The following SRFBP1 variants were observed in gnomAD, a reference collection of about 807,000 sequenced individuals.
SRFBP1 encodes serum response factor binding protein 1, also known as serum response factor-binding protein 1.
In SRFBP1, 47 loss-of-function variants were observed where a neutral mutation model predicts 45.5. That is an observed-to-expected ratio of 1.03 (90% CI 0.82 to 1.32). SRFBP1 has a LOEUF of 1.32. Ranked by LOEUF, SRFBP1 falls within the 40% of genes most tolerant of loss-of-function variation. The pLI is 0.00. For synonymous variants in SRFBP1, 203 were observed against 166.3 expected (o/e 1.22, Z -1.70); for missense variants, 621 against 484.6 (o/e 1.28, Z -2.64).
chr5:121,995,258 T>A (rs1187756607), intron 4 of SRFBP1, among the ~76,000 whole-genome samples: 1 of 151,840 alleles, frequency 6.6e-6, no homozygotes, highest in African/African-American at 2.4e-5. Context: ...GACCACATAC[T>A]TGGAAGTAAA....
chr5:121,967,625 G>A (rs759248505), intron 1 of SRFBP1, among the ~76,000 whole-genome samples: 5 of 152,160 alleles, frequency 3.3e-5, no homozygotes, highest in Non-Finnish European at 2.9e-5. Context: ...TTGAGCTCAC[G>A]AGTTTGAGAC....
chr5:122,000,337 A>G (rs1752834245), intron 4 of SRFBP1, among the ~76,000 whole-genome samples: 1 of 152,010 alleles, frequency 6.6e-6, no homozygotes. Flanking sequence ...TTTTGACATA[A>G]TTAAACATAA....
chr5:122,038,473 G>A (rs1242232806), intron 2 of SRFBP1, among the ~76,000 whole-genome samples: 1 of 152,202 alleles, frequency 6.6e-6, no homozygotes, highest in African/African-American at 2.4e-5. Context: ...TGTTATTAGT[G>A]AGTGTTGGGC....
rs761189601 is a variant in SRFBP1 at position 122,020,260 on chromosome 5, A to G, written c.525A>G (p.Ile175Met). 7 of 1,612,844 alleles carry G rather than the reference A, an allele frequency of 4.3e-6. No homozygotes were observed. The highest frequency in any genetic ancestry group is 2.2e-5 in the South Asian group (2 of 90,640). The stretch of plus-strand genomic sequence containing the variant: ...AGCAAAAAGTCAAAGAAACCAAAAT[A>G]TTGGCGAAGAAACCAATACATAATT... ...ISEQKVKETK[I>M]LAKKPIHNSK... is the part of the protein sequence containing the mutation. Residue 175 changes from isoleucine (I) to methionine (M), a missense_variant, in exon 6 of 8, where the codon ATA becomes ATG. Ile to Met is a conservative substitution (Grantham distance 10, BLOSUM62 1). Transcript: ENST00000339397.
At chr5:122,056,701 C>T (rs934581413) in intron 2 of SRFBP1, among the ~76,000 whole-genome samples, 1 of 152,148 alleles carries the variant, frequency 6.6e-6, no homozygotes, top group Non-Finnish European at 1.5e-5. Context: ...CCAAGTAACA[C>T]TTTGTCTTGT....
Position 122,020,423 on chromosome 5 carries a change from C to CT in SRFBP1, c.689dup (p.Ser231LysfsTer10), listed in dbSNP as rs764086932. On this transcript the variant is annotated frameshift_variant, in exon 6 of 8. Coordinates refer to ENST00000339397, the MANE Select transcript of SRFBP1 (RefSeq NM_152546.3). LOFTEE classifies it high-confidence loss of function. ...ACCTGCTGACCCAAAACTGAAAACT[C>CT]TAAGTCAAACCAAAAAAAACAAAGG... is the stretch of plus-strand genomic sequence containing the variant. The CT allele has an allele frequency of 3.1e-6, 5 of 1,614,006 alleles. No homozygotes were observed. Among genetic ancestry groups the CT allele is most frequent in the East Asian group, 2.2e-5 (1 of 44,866 alleles).
rs577911987 is a variant in SRFBP1, at chr5:122,073,772, A to G, written n.312-1543A>G. Among the ~76,000 whole-genome samples, 7 of 152,274 alleles carry G rather than the reference A, an allele frequency of 4.6e-5. No homozygotes were observed. In the East Asian group the frequency reaches 1.4e-3, roughly 29 times the overall value. ...ATCAAGCCATCATTTGCCTTTTCCC[A>G]ATTATTTTACATCTTAACAACATGG... On this transcript the variant is annotated intron_variant and non_coding_transcript_variant, in intron 2 of 2. Transcript: ENST00000504881.
intron 3 of SRFBP1, among the ~76,000 whole-genome samples, chr5:121,986,100 G>C (rs1175989533): frequency 6.6e-6 from 1 of 151,834 alleles, no homozygotes; most frequent in Non-Finnish European, 1.5e-5. Flanking sequence ...ACAGAGTCCT[G>C]GTCCATTCTT....
At chr5:122,043,576 T>G (rs1296027514) in intron 2 of SRFBP1, among the ~76,000 whole-genome samples, 1 of 152,214 alleles carries the variant, frequency 6.6e-6, no homozygotes, top group African/African-American at 2.4e-5. Flanking sequence ...ACATTGTCAT[T>G]TTATAGGCAA....
At position 121,991,286 on chromosome 5, in the gene SRFBP1, GTAT is replaced by G. The variant is rs202161526; in HGVS notation, c.199-3308_199-3306del. Among the ~76,000 whole-genome samples the G allele has an allele frequency of 4.0e-3, 605 of 152,086 alleles. 5 individuals carry two copies. The highest frequency in any genetic ancestry group is 0.014 in the African/African-American group (582 of 41,466). ...GTAAATTTTGTGGCCAAATTATAAT[GTAT>G]TATTGACACTATTAAATTCAGTCCT... On this transcript the variant is annotated intron_variant, in intron 3 of 7. Transcript: ENST00000339397.
chr5:122,007,972 A>G (rs1753012831), intron 4 of SRFBP1, among the ~76,000 whole-genome samples: 1 of 151,694 alleles, frequency 6.6e-6, no homozygotes, highest in South Asian at 2.1e-4. Flanking sequence ...CCACTTCGGT[A>G]CTGGGGTCGG....
At chr5:121,962,790 A>C (rs1025334499) in intron 1 of SRFBP1, among the ~76,000 whole-genome samples, 1 of 152,212 alleles carries the variant, frequency 6.6e-6, no homozygotes, top group African/African-American at 2.4e-5. Context: ...GTCTTAAAGT[A>C]AGCTGGAAAC....
intron 4 of SRFBP1, among the ~76,000 whole-genome samples, chr5:122,007,228 A>G (rs77309667): frequency 0.034 from 5,093 of 151,940 alleles, 296 homozygotes; most frequent in African/African-American, 0.099. Context: ...GGATCAATAA[A>G]GGCTGGGCTG....
intron 1 of SRFBP1, among the ~76,000 whole-genome samples, chr5:121,969,824 C>T (rs1310360368): frequency 2.0e-5 from 3 of 152,022 alleles, no homozygotes; most frequent in Non-Finnish European, 4.4e-5. Context: ...CAGACCCCTT[C>T]CTTCTACTTG....
intron 1 of SRFBP1, among the ~76,000 whole-genome samples, chr5:121,967,908 C>G (rs1321992412): frequency 6.6e-5 from 10 of 152,162 alleles, no homozygotes; most frequent in Non-Finnish European, 5.9e-5. Context: ...AATAATGTAA[C>G]AGATCTTCTT....
At chr5:122,070,408 A>T (rs1754415588) in intron 2 of SRFBP1, 3 of 743,522 alleles carry the variant, frequency 4.0e-6, no homozygotes, top group Non-Finnish European at 6.9e-6. Context: ...TGCTTCCAAT[A>T]CCATGATTAT....
At chr5:122,070,725 C>T (rs1035920260) in intron 2 of SRFBP1, 2 of 549,524 alleles carry the variant, frequency 3.6e-6, no homozygotes, top group African/African-American at 3.8e-5. Context: ...TATATTTCAT[C>T]TCCCTTGAGA....
At chr5:121,972,714 T>C (rs919698839) in intron 1 of SRFBP1, among the ~76,000 whole-genome samples, 1 of 151,772 alleles carries the variant, frequency 6.6e-6, no homozygotes, top group African/African-American at 2.4e-5. Context: ...AAGATGGTTG[T>C]GGTGGGTGGA....
chr5:122,042,349 C>T (rs2112731440), intron 2 of SRFBP1, among the ~76,000 whole-genome samples: 1 of 152,256 alleles, frequency 6.6e-6, no homozygotes, highest in South Asian at 2.1e-4. Flanking sequence ...TCACTGCAGC[C>T]TTGAGCTCCA....
Sources: allele counts gnomAD v4.1 joint callset (sites outside exome capture counted in the v4.1 genomes callset), GRCh38; gene constraint gnomAD v4.1.1; transcripts MANE v1.5; gene names NCBI Gene and HGNC (gene_info 2026-07-23, HGNC 2026-07-21).